The following KSR2 variants were observed in gnomAD, a reference collection of about 807,000 sequenced individuals.
KSR2 encodes kinase suppressor of ras 2.
In KSR2, 25 loss-of-function variants were observed where a neutral mutation model predicts 107.8. The observed-to-expected ratio is 0.23, with a 90% confidence interval of 0.17 to 0.32. The LOEUF is 0.32. KSR2 is among the 10% of genes least tolerant of loss of function. The pLI, the probability that KSR2 is intolerant of heterozygous loss-of-function variation, is 1.00. For synonymous variants in KSR2, 480 were observed against 507.0 expected, an observed-to-expected ratio of 0.95 and a Z score of 0.71; for missense variants, 887 against 1,268.9, an observed-to-expected ratio of 0.70 and a Z score of 4.57.
intron 7 of KSR2, among the ~76,000 whole-genome samples, chr12:117,565,334 C>T (rs1248279403): frequency 6.6e-6 from 1 of 152,312 alleles, no homozygotes; most frequent in East Asian, 1.9e-4. Context: ...CTGACTAGGG[C>T]CCAGTCTTTC....
chr12:117,848,168 T>C (rs568868971), intron 3 of KSR2, among the ~76,000 whole-genome samples: 2 of 152,010 alleles, frequency 1.3e-5, no homozygotes, highest in East Asian at 1.9e-4. Context: ...ACCATCAAAA[T>C]GCCAAAAAGA....
rs1329173515 is a variant in KSR2 at position 117,458,291 on chromosome 12, T to C, written c.*8908A>G. 1 of 152,196 alleles carries C rather than the reference T, an allele frequency of 6.6e-6. No individual in the cohort carries two copies. Among genetic ancestry groups the C allele is most frequent in the Non-Finnish European group, 1.5e-5 (1 of 68,040 alleles). 9.4% of individuals were successfully genotyped at this position (152,196 alleles called of 1,614,324 possible). ...CCACCACTCAGAAAAGGCCTCTGGT[T>C]ATTGTTGGCCTGTATTTATTTCCTC... On this transcript the variant is annotated 3_prime_UTR_variant, in exon 20 of 20. Transcript: ENST00000339824.
chr12:117,912,544 T>C (rs1895046769), intron 1 of KSR2, among the ~76,000 whole-genome samples: 1 of 152,120 alleles, frequency 6.6e-6, no homozygotes, highest in African/African-American at 2.4e-5. Flanking sequence ...GTTTTGAAAA[T>C]GAAGAAAAAT....
At chr12:117,583,479 G>A (rs1424370213) in intron 5 of KSR2, among the ~76,000 whole-genome samples, 2 of 151,230 alleles carry the variant, frequency 1.3e-5, no homozygotes, top group African/African-American at 2.4e-5. Flanking sequence ...ATGGAAAGAT[G>A]GGTAGGTGAG....
At chr12:117,677,360 T>C (rs1007573129) in intron 4 of KSR2, 3 of 152,102 alleles carry the variant, frequency 2.0e-5, no homozygotes, top group African/African-American at 7.2e-5. Flanking sequence ...AGGATTGGTG[T>C]CTTTTTAAGA....
chr12:117,497,010 T>C (rs984705951), intron 14 of KSR2, among the ~76,000 whole-genome samples: 86 of 151,852 alleles, frequency 5.7e-4, no homozygotes, highest in Non-Finnish European at 1.1e-3. Flanking sequence ...CACCTGTACA[T>C]GGTGGTACAG....
chr12:117,910,925 GA>G (rs1173743870), intron 1 of KSR2, among the ~76,000 whole-genome samples: 1 of 152,126 alleles, frequency 6.6e-6, no homozygotes, highest in Non-Finnish European at 1.5e-5. Context: ...GATCCTGTGT[GA>G]AATTCACTAC....
intron 3 of KSR2, 145 bp downstream of exon 3, chr12:117,855,283 G>A (rs1893060866): frequency 3.9e-6 from 4 of 1,024,132 alleles, no homozygotes; most frequent in Admixed American, 2.3e-5. Flanking sequence ...CCAGGTCCAC[G>A]CTGCCTCTTC....
In KSR2 at chr12:117,860,399, C is replaced by G. The variant is rs1893251872; in HGVS notation, c.213G>C (p.Leu71=). 6 of 1,611,870 alleles carry G rather than the reference C, an allele frequency of 3.7e-6. No individual in the cohort carries two copies. The East Asian group carries it at 1.3e-4, about 36-fold the overall frequency. The change falls in exon 2 of 20, where the codon CTG becomes CTC. Residue 71 remains leucine (L), a synonymous_variant. Transcript: ENST00000339824. The part of the protein sequence containing the change: ...SKLVKYFSRQ[L]SCKKKVALQE... ...GCAAGGCTACCTTCTTTTTGCAGGACAGCTGCCGGCTGAAGTACTTCACCA... is the reference window on the plus strand; with the variant it reads ...GCAAGGCTACCTTCTTTTTGCAGGAGAGCTGCCGGCTGAAGTACTTCACCA...
intron 7 of KSR2, among the ~76,000 whole-genome samples, chr12:117,570,865 A>G (rs1366627499): frequency 6.6e-6 from 1 of 152,186 alleles, no homozygotes; most frequent in Non-Finnish European, 1.5e-5. Context: ...TGCAGTCTGT[A>G]TCCTTGCTGT....
intron 14 of KSR2, among the ~76,000 whole-genome samples, chr12:117,492,401 G>A (rs537579943): frequency 9.4e-4 from 125 of 133,056 alleles, no homozygotes; most frequent in Middle Eastern, 7.7e-3. Context: ...TCCTCCAAAC[G>A]CTTCAGCACC....
chr12:117,629,040 G>C (rs1191494667), intron 5 of KSR2, among the ~76,000 whole-genome samples: 3 of 152,258 alleles, frequency 2.0e-5, no homozygotes, highest in Non-Finnish European at 4.4e-5. Flanking sequence ...TTGTCTGCCA[G>C]TTGCTAAGAC....
chr12:117,579,459 C>G (rs2136237133), intron 6 of KSR2, among the ~76,000 whole-genome samples: 1 of 152,322 alleles, frequency 6.6e-6, no homozygotes, highest in Non-Finnish European at 1.5e-5. Context: ...GGGCTTCGTA[C>G]AGTGGCTGGT....
chr12:117,531,545 C>T (rs1224712877), intron 11 of KSR2, 121 bp downstream of exon 11: 1 of 798,150 alleles, frequency 1.3e-6, no homozygotes, highest in Non-Finnish European at 2.1e-6. Context: ...AGTGTGGTGA[C>T]TCCACTACCC....
In KSR2 at chr12:117,968,310, G is replaced by GGGT; in HGVS notation, c.-56_-55insACC. On this transcript the variant is annotated 5_prime_UTR_variant, in exon 1 of 20. Transcript: ENST00000339824. ...CCTCCTCCCAGAGAGAAAAAAGAGGGGGGGGAGTAGAGGTAGTCTACCCTC... is the reference window on the plus strand; with the variant it reads ...CCTCCTCCCAGAGAGAAAAAAGAGGGGGTGGGGGAGTAGAGGTAGTCTACCCTC... 2 of 1,455,872 alleles carry GGGT rather than the reference G, an allele frequency of 1.4e-6. No individual in the cohort carries two copies. Among genetic ancestry groups the GGGT allele is most frequent in the Non-Finnish European group, 1.8e-6 (2 of 1,111,712 alleles). 90.2% of individuals were successfully genotyped at this position (1,455,872 alleles called of 1,614,324 possible).
intron 4 of KSR2, among the ~76,000 whole-genome samples, chr12:117,699,020 C>T (rs1303117111): frequency 6.6e-6 from 1 of 152,216 alleles, no homozygotes. Flanking sequence ...AAAAGAGCAG[C>T]TCTCTCCTTA....
chr12:117,619,990 C>A (rs1882098491), intron 5 of KSR2, among the ~76,000 whole-genome samples: 1 of 152,130 alleles, frequency 6.6e-6, no homozygotes, highest in Non-Finnish European at 1.5e-5. Flanking sequence ...TACTATCTGT[C>A]TCCATATATT....
At chr12:117,812,956 A>G (rs556895725) in intron 3 of KSR2, among the ~76,000 whole-genome samples, 207 of 152,214 alleles carry the variant, frequency 1.4e-3, no homozygotes, top group African/African-American at 4.9e-3. Flanking sequence ...ACAGCATTGT[A>G]CAGGCATACA....
rs1895357165 is a variant in KSR2 at position 117,921,829 on chromosome 12, A to C, written c.180+46247T>G. On this transcript the variant is annotated intron_variant, in intron 1 of 19. Coordinates refer to ENST00000339824, the MANE Select transcript of KSR2 (RefSeq NM_173598.6). Reference sequence around the variant, plus strand: ...CTTTTCCATCCCGGATAATATCAGAATGTACCCACGAGAAGATGCATAGCT... The same window carrying C: ...CTTTTCCATCCCGGATAATATCAGACTGTACCCACGAGAAGATGCATAGCT... Among the ~76,000 whole-genome samples, 4 of 152,194 alleles carry C rather than the reference A, an allele frequency of 2.6e-5. No individual in the cohort carries two copies. In the South Asian group the frequency reaches 8.3e-4, roughly 32 times the overall value.
Sources: gnomAD v4.1 joint callset for allele counts (sites outside exome capture counted in the v4.1 genomes callset) on GRCh38, gnomAD v4.1.1 for gene constraint, MANE v1.5 for transcripts, NCBI Gene and HGNC (gene_info 2026-07-23, HGNC 2026-07-21) for gene names.